PSPC1: variants seen among roughly 807,000 people sequenced by gnomAD.
PSPC1 encodes paraspeckle component 1, also known as paraspeckle protein 1.
PSPC1 carries 14 observed loss-of-function variants against 51.6 expected under a neutral mutation model. The ratio of observed to expected loss-of-function variants is 0.27; its 90% CI spans 0.18 to 0.42. The LOEUF (loss-of-function observed/expected upper bound fraction) is 0.42. PSPC1 is among the 10% of genes least tolerant of loss of function. The pLI is 1.00. For missense variants in PSPC1, 406 were observed against 701.1 expected (o/e 0.58, Z 4.75); for synonymous variants, 193 against 231.9 (o/e 0.83, Z 1.53).
chr13:19,702,106 GTC>G (rs3036970), downstream of PSPC1, among the ~76,000 whole-genome samples: 152,293 of 152,298 alleles, frequency 1, 76,144 homozygotes, highest in Middle Eastern at 1. Flanking sequence ...CTCCTTGGAT[GTC>G]TCTCAGCATT....
At chr13:19,759,459 C>G in intron 2 of PSPC1, 41 bp from the exon 3 acceptor site, 1 of 1,352,172 alleles carries the variant, frequency 7.4e-7, no homozygotes, top group Non-Finnish European at 1.1e-6. Flanking sequence ...TAACACAGTG[C>G]CAAGAATTAA....
At chr13:19,751,553 A>G in intron 3 of PSPC1, 86 bp from the exon 4 acceptor site, 2 of 966,714 alleles carry the variant, frequency 2.1e-6, no homozygotes, top group Non-Finnish European at 2.9e-6. Context: ...ACAATGTCCA[A>G]GACACCGTGT....
chr13:19,706,847 T>C (rs1385332383), intron 7 of PSPC1, among the ~76,000 whole-genome samples: 2 of 152,216 alleles, frequency 1.3e-5, no homozygotes, highest in Non-Finnish European at 2.9e-5. Flanking sequence ...TCTATATGGC[T>C]GAGTCCTTAC....
chr13:19,722,455 G>C (rs900065092), intron 6 of PSPC1, among the ~76,000 whole-genome samples: 1 of 151,334 alleles, frequency 6.6e-6, no homozygotes, highest in African/African-American at 2.4e-5. Context: ...CGCTATGATC[G>C]TGCCACTGAA....
downstream of PSPC1, among the ~76,000 whole-genome samples, chr13:19,699,135 G>A (rs1319571177): frequency 2.0e-5 from 3 of 151,736 alleles, no homozygotes; most frequent in African/African-American, 4.8e-5. Context: ...CCATAATCAA[G>A]GAAACAAAAA....
downstream of PSPC1, chr13:19,674,608 C>A (rs1291142954): frequency 6.6e-6 from 1 of 152,090 alleles, no homozygotes; most frequent in Admixed American, 6.6e-5. Flanking sequence ...GAACCAGGGG[C>A]CTGATGAAGC....
intron 7 of PSPC1, among the ~76,000 whole-genome samples, chr13:19,677,272 G>C (rs568890548): frequency 6.6e-6 from 1 of 151,222 alleles, no homozygotes; most frequent in Non-Finnish European, 1.5e-5. Context: ...TTTTCCAAAG[G>C]AACACAAGTT....
At chr13:19,750,125 G>C (rs960190095) in intron 4 of PSPC1, among the ~76,000 whole-genome samples, 3 of 152,146 alleles carry the variant, frequency 2.0e-5, no homozygotes, top group African/African-American at 7.2e-5. Context: ...AATTTCACCT[G>C]CTAAGAAAAA....
At chr13:19,750,368 G>A (rs1486937780) in intron 4 of PSPC1, among the ~76,000 whole-genome samples, 1 of 151,750 alleles carries the variant, frequency 6.6e-6, no homozygotes, top group Non-Finnish European at 1.5e-5. Flanking sequence ...GGTGGTGGAG[G>A]CTGCAGGGAG....
downstream of PSPC1, among the ~76,000 whole-genome samples, chr13:19,673,883 C>T (rs953977751): frequency 1.3e-5 from 2 of 152,174 alleles, no homozygotes; most frequent in Non-Finnish European, 2.9e-5. Context: ...AGGTCAAGGC[C>T]CAGGGCAATG....
intron 1 of PSPC1, among the ~76,000 whole-genome samples, chr13:19,778,062 T>C (rs949713891): frequency 6.6e-6 from 1 of 151,770 alleles, no homozygotes; most frequent in African/African-American, 2.4e-5. Flanking sequence ...GCCAACATGG[T>C]GAAACCCCGT....
Position 19,764,678 on chromosome 13 carries a change from G to A in PSPC1, c.675-5260C>T, listed in dbSNP as rs542934520. The stretch of plus-strand genomic sequence containing the variant: ...TCCAACCTGGGTAAGAGCAGAACTT[G>A]CCTTAAAAAAAAAAAAAAAAAAAGG... On this transcript the variant is annotated intron_variant, in intron 2 of 8. Coordinates refer to ENST00000338910, the MANE Select transcript of PSPC1 (RefSeq NM_001354909.2). 6.1e-3 allele frequency among the ~76,000 whole-genome samples: 36 copies of A among 5,886 alleles called. 1 individual carries two copies. The South Asian group carries it at 0.4, about 66-fold the overall frequency. 3.9% of individuals were successfully genotyped at this position (5,886 alleles called of 152,430 possible).
At chr13:19,752,780 G>T (rs1886693413) in intron 3 of PSPC1, among the ~76,000 whole-genome samples, 1 of 151,940 alleles carries the variant, frequency 6.6e-6, no homozygotes, top group Non-Finnish European at 1.5e-5. Context: ...TAGAGACGGG[G>T]TTTCACTATG....
chr13:19,703,486 A>C, intron 8 of PSPC1, 126 bp from the exon 9 acceptor site: 2 of 996,524 alleles, frequency 2.0e-6, no homozygotes, highest in South Asian at 3.9e-5. Context: ...AGTCCAGCAG[A>C]ATCAGGATCA....
chr13:19,714,507 T>G (rs1881847140), intron 6 of PSPC1, among the ~76,000 whole-genome samples: 1 of 151,576 alleles, frequency 6.6e-6, no homozygotes, highest in African/African-American at 2.4e-5. Flanking sequence ...TTTTTTTTTT[T>G]TTTTTCCTTT....
intron 1 of PSPC1, among the ~76,000 whole-genome samples, chr13:19,775,613 G>A (rs984105334): frequency 2.0e-5 from 3 of 152,152 alleles, no homozygotes; most frequent in Admixed American, 6.6e-5. Context: ...CTAAACAGTC[G>A]TTTTGTTTAT....
intron 6 of PSPC1, chr13:19,679,055 G>T (rs901284607): frequency 6.6e-6 from 1 of 152,226 alleles, no homozygotes; most frequent in African/African-American, 2.4e-5. Context: ...TGCCTGTCCT[G>T]TAAGTATTTT....
intron 5 of PSPC1, among the ~76,000 whole-genome samples, chr13:19,734,970 TC>T (rs1884594915): frequency 6.8e-6 from 1 of 146,912 alleles, no homozygotes; most frequent in South Asian, 2.2e-4. Flanking sequence ...AGAGCGAGAC[TC>T]CGTCTCAAAA....
At chr13:19,729,401 G>C (rs1883763403) in intron 6 of PSPC1, among the ~76,000 whole-genome samples, 1 of 151,946 alleles carries the variant, frequency 6.6e-6, no homozygotes, top group African/African-American at 2.4e-5. Context: ...GCCAGGTGTG[G>C]TGGTGCGCAC....
Sources: allele counts gnomAD v4.1 joint callset (sites outside exome capture counted in the v4.1 genomes callset), GRCh38; gene constraint gnomAD v4.1.1; transcripts MANE v1.5; gene names NCBI Gene and HGNC (gene_info 2026-07-23, HGNC 2026-07-21).